The following NDUFAF3 variants were observed in gnomAD, a reference collection of about 807,000 sequenced individuals.
NDUFAF3 encodes NADH:ubiquinone oxidoreductase complex assembly factor 3.
A neutral mutation model predicts 22.6 loss-of-function variants in NDUFAF3; 21 were observed. The observed-to-expected ratio is 0.93, with a 90% CI of 0.66 to 1.34. The LOEUF is 1.34. Ranked by LOEUF, NDUFAF3 falls within the 40% of genes most tolerant of loss-of-function variation. NDUFAF3 has a pLI of 0.00. For synonymous variants in NDUFAF3, 113 were observed against 104.9 expected (o/e 1.08, Z -0.47); for missense variants, 251 against 248.4 (o/e 1.01, Z -0.07).
At position 49,022,585 on chromosome 3, in the gene NDUFAF3, C is replaced by T. The variant is rs1275484151; in HGVS notation, c.270+47C>T. On this transcript the variant is annotated intron_variant, in intron 2 of 4. Transcript: ENST00000326925. The surrounding 1 kb of genome is among the most constrained non-coding windows in gnomAD (Gnocchi z 6.6). The stretch of plus-strand genomic sequence containing the variant: ...GGAAACTGAGGCCCAGAGTCACAGG[C>T]CCTCACCCTGCTTGGTCCCTGCAAA... The T allele has an allele frequency of 1.2e-6, 2 of 1,612,774 alleles. No homozygotes were observed. Among genetic ancestry groups the T allele is most frequent in the Non-Finnish European group, 1.7e-6 (2 of 1,179,306 alleles).
In NDUFAF3 at chr3:49,022,789, G is replaced by A. The variant is rs756232871; in HGVS notation, c.337+21G>A. The A allele has an allele frequency of 2.4e-5, 38 of 1,613,692 alleles. No individual in the cohort carries two copies. The highest frequency in any genetic ancestry group is 3.1e-5 in the Non-Finnish European group (37 of 1,179,974). ...GATAGGTACTGGGGAAGGGGAGGGA[G>A]AACAGAGGTGTTCTGGGCCCCAGAA... On this transcript the variant is annotated intron_variant, in intron 3 of 4. Transcript: ENST00000326925. This position sits in a 1 kb window ranked among gnomAD's most constrained non-coding sequence, Gnocchi z 6.6.
At chr3:49,022,052 G>A, upstream of NDUFAF3, 1 of 1,364,138 alleles carries the variant, frequency 7.3e-7, no homozygotes, top group Non-Finnish European at 1.0e-6. This position sits in a 1 kb window ranked among gnomAD's most constrained non-coding sequence, Gnocchi z 6.6. Context: ...GGACGCAGGG[G>A]GCGCTGCAGC....
upstream of NDUFAF3, chr3:49,022,017 C>A: frequency 1.0e-6 from 1 of 965,644 alleles, no homozygotes; most frequent in Non-Finnish European, 1.6e-6. The surrounding 1 kb of genome is among the most constrained non-coding windows in gnomAD (Gnocchi z 6.6). Context: ...CCTGCTGGGC[C>A]GGTCGAGCTG....
At position 49,022,977 on chromosome 3, in the gene NDUFAF3, G is replaced by A; in HGVS notation, c.438+1G>A. ...CATTGCTGTGGAAGTGCAGGACACG[G>A]TGAGTCCCGGGACTGGGGCATGCTG... On this transcript the variant is annotated splice_donor_variant, in intron 4 of 4. Coordinates refer to ENST00000326925, the MANE Select transcript of NDUFAF3 (RefSeq NM_199069.2). LOFTEE classifies it high-confidence loss of function. The surrounding 1 kb of genome is among the most constrained non-coding windows in gnomAD (Gnocchi z 6.6). The A allele has an allele frequency of 6.2e-7, 1 of 1,614,078 alleles. No individual in the cohort carries two copies. The highest frequency in any genetic ancestry group is 1.1e-5 in the South Asian group (1 of 91,078).
upstream of NDUFAF3, chr3:49,020,748 C>A (rs765517699): frequency 2.2e-5 from 10 of 457,902 alleles, no homozygotes; most frequent in African/African-American, 4.0e-5. Flanking sequence ...CCAGGTCACT[C>A]GCCCTGGGGC....
chr3:49,023,093 A>G lies in NDUFAF3; in HGVS notation c.476A>G (p.Glu159Gly), dbSNP rs2093178695. 1.2e-6 allele frequency: 2 copies of G among 1,614,046 alleles called. No individual in the cohort carries two copies. The highest frequency in any genetic ancestry group is 8.5e-7 in the Non-Finnish European group (1 of 1,180,044). ...GCCACCTTCAACTTCCTGTGTCATGAAGGCCGAGTAACTGGAGCTGCTCTC... is the reference window on the plus strand; with the variant it reads ...GCCACCTTCAACTTCCTGTGTCATGGAGGCCGAGTAACTGGAGCTGCTCTC... ...ACATFNFLCH[E>G]GRVTGAALIP... The change falls in exon 5 of 5, where the codon GAA becomes GGA. Residue 159 changes from glutamate (E) to glycine (G), a missense_variant. Coordinates refer to ENST00000326925, the MANE Select transcript of NDUFAF3 (RefSeq NM_199069.2).
chr3:49,023,043 C>G lies in NDUFAF3; in HGVS notation c.439-13C>G, dbSNP rs754546343. 1.2e-6 allele frequency: 2 copies of G among 1,614,040 alleles called. No homozygotes were observed. The highest frequency in any genetic ancestry group is 8.5e-7 in the Non-Finnish European group (1 of 1,179,904). ...TGGCGCTAGACAGGCTGATGCTGGC[C>G]TTTTCTTTGCAGCCCAATGCCTGTG... On this transcript the variant is annotated splice_polypyrimidine_tract_variant and intron_variant, in intron 4 of 4. Coordinates refer to ENST00000326925, the MANE Select transcript of NDUFAF3 (RefSeq NM_199069.2).
At chr3:49,021,854 G>T (rs1239993589), upstream of NDUFAF3, 1 of 496,458 alleles carries the variant, frequency 2.0e-6, no homozygotes, top group Non-Finnish European at 3.6e-6. The surrounding 1 kb of genome is among the most constrained non-coding windows in gnomAD (Gnocchi z 4.1). Context: ...CGCGGCTGCG[G>T]CCCAGGCAAC....
upstream of NDUFAF3, chr3:49,021,820 T>C (rs1160502587): frequency 2.8e-5 from 12 of 426,736 alleles, no homozygotes; most frequent in Middle Eastern, 6.3e-4. The surrounding 1 kb of genome is among the most constrained non-coding windows in gnomAD (Gnocchi z 4.1). Context: ...CGCGGCTTAA[T>C]AGCTGAGAGC....
In NDUFAF3 at chr3:49,022,121, G is replaced by C. The variant is rs1450394791; in HGVS notation, c.-24G>C. The C allele has an allele frequency of 1.2e-6, 2 of 1,601,334 alleles. No homozygotes were observed. The highest frequency in any genetic ancestry group is 2.7e-5 in the African/African-American group (2 of 74,824). ...CCCGGGGACTAACGGCGCCGGTGAC[G>C]ACTTCGCCGCGCGTTGGTCAGCCAT... On this transcript the variant is annotated 5_prime_UTR_variant, in exon 1 of 5. Coordinates refer to ENST00000326925, the MANE Select transcript of NDUFAF3 (RefSeq NM_199069.2). The surrounding 1 kb of genome is among the most constrained non-coding windows in gnomAD (Gnocchi z 6.6).
upstream of NDUFAF3, chr3:49,021,848 G>T: frequency 2.1e-6 from 1 of 487,794 alleles, no homozygotes; most frequent in Admixed American, 3.9e-5. This position sits in a 1 kb window ranked among gnomAD's most constrained non-coding sequence, Gnocchi z 4.1. Flanking sequence ...CCAGGCCGCG[G>T]CTGCGGCCCA....
At chr3:49,022,025 C>T (rs2093162774), upstream of NDUFAF3, 1 of 1,060,188 alleles carries the variant, frequency 9.4e-7, no homozygotes, top group African/African-American at 1.6e-5. The surrounding 1 kb of genome is among the most constrained non-coding windows in gnomAD (Gnocchi z 6.6). Context: ...GCCGGTCGAG[C>T]TGTGCGGTGC....
upstream of NDUFAF3, chr3:49,022,078 T>A: frequency 6.6e-7 from 1 of 1,524,846 alleles, no homozygotes; most frequent in East Asian, 2.4e-5. This position sits in a 1 kb window ranked among gnomAD's most constrained non-coding sequence, Gnocchi z 6.6. Flanking sequence ...TGGGTCAGGC[T>A]CCGCAGGGCC....
upstream of NDUFAF3, chr3:49,020,692 T>C (rs1229195621): frequency 2.0e-6 from 1 of 490,060 alleles, no homozygotes; most frequent in East Asian, 6.2e-5. Context: ...TGGGATTCCG[T>C]TGCCCGCTGT....
Position 49,023,364 on chromosome 3 carries a change from G to C in NDUFAF3, c.*192G>C. 1 of 645,010 alleles carries C rather than the reference G, an allele frequency of 1.6e-6. No individual in the cohort carries two copies. The highest frequency in any genetic ancestry group is 2.8e-6 in the Non-Finnish European group (1 of 356,230). The allele number at this position is 645,010 out of a possible 1,614,324, so 40.0% of individuals were successfully genotyped here. A position where few individuals can be genotyped will look rare whatever the true frequency, so the allele number is the denominator to read the frequency against. On this transcript the variant is annotated 3_prime_UTR_variant, in exon 5 of 5. Transcript: ENST00000326925. The stretch of plus-strand genomic sequence containing the variant: ...TGGAGGGGAATGTGAAGAAACCAAG[G>C]AGTCACTTTTTCATCTAGATTACTT...
At position 49,023,249 on chromosome 3, in the gene NDUFAF3, T is replaced by G; in HGVS notation, c.*77T>G. 5 of 1,068,384 alleles carry G rather than the reference T, an allele frequency of 4.7e-6. No individual in the cohort carries two copies. The allele number at this position is 1,068,384 out of a possible 1,614,324, so 66.2% of individuals were successfully genotyped here. ...TCACTCTTATCTACCCTTTGGCACT[T>G]ATCTTGCTTATCAACATAATAATTT... is the stretch of plus-strand genomic sequence containing the variant. On this transcript the variant is annotated 3_prime_UTR_variant, in exon 5 of 5. Transcript: ENST00000326925.
rs1220869218 is a variant in NDUFAF3 at position 49,023,057 on chromosome 3, C to T, written c.440C>T (p.Pro147Leu). The T allele has an allele frequency of 6.2e-7, 1 of 1,614,004 alleles. No homozygotes were observed. The highest frequency in any genetic ancestry group is 8.5e-7 in the Non-Finnish European group (1 of 1,180,004). Residue 147 changes from proline to leucine, a missense_variant and splice_region_variant, in exon 5 of 5, where the codon CCC (proline) becomes CTC (leucine). Pro to Leu is a moderately conservative substitution (Grantham distance 98). Transcript: ENST00000326925. Reference protein sequence around the residue: ...RGIAVEVQDTPNACATFNFLC... With the variant: ...RGIAVEVQDTLNACATFNFLC... Reference sequence around the variant, plus strand: ...CTGATGCTGGCCTTTTCTTTGCAGCCCAATGCCTGTGCCACCTTCAACTTC... The same window carrying T: ...CTGATGCTGGCCTTTTCTTTGCAGCTCAATGCCTGTGCCACCTTCAACTTC...
At position 49,022,724 on chromosome 3, in the gene NDUFAF3, C is replaced by T; in HGVS notation, c.293C>T (p.Thr98Ile). The stretch of plus-strand genomic sequence containing the variant: ...CAGGTGGGATCCCACCAGGACATCA[C>T]CGAAGACAGCTTTTCCCTCTTCTGG... ...QWNVGSHQDI[T>I]EDSFSLFWLL... Residue 98 changes from threonine (T) to isoleucine (I), a missense_variant, in exon 3 of 5, where the codon ACC (threonine) becomes ATC (isoleucine). Thr to Ile is a moderately conservative substitution (Grantham distance 89). Coordinates refer to ENST00000326925, the MANE Select transcript of NDUFAF3 (RefSeq NM_199069.2). The surrounding 1 kb of genome is among the most constrained non-coding windows in gnomAD (Gnocchi z 6.6). 6.2e-7 allele frequency: 1 copy of T among 1,614,104 alleles called. No homozygotes were observed. Among genetic ancestry groups the T allele is most frequent in the Non-Finnish European group, 8.5e-7 (1 of 1,180,038 alleles).
rs1055153686 is a variant in NDUFAF3 at position 49,022,304 on chromosome 3, TGCCCG to T, written c.78-32_78-28del. ...CCCAGCACCTTCCGGCCTCTCGGGC[TGCCCG>T]GCCCGGCCCCGCGCCCCTGACCCTT... On this transcript the variant is annotated intron_variant, in intron 1 of 4. Transcript: ENST00000326925. The surrounding 1 kb of genome is among the most constrained non-coding windows in gnomAD (Gnocchi z 6.6). 2 of 1,606,674 alleles carry T rather than the reference TGCCCG, an allele frequency of 1.2e-6. No homozygotes were observed. Among genetic ancestry groups the T allele is most frequent in the South Asian group, 2.2e-5 (2 of 90,910 alleles).
Sources: gnomAD v4.1 joint callset for allele counts on GRCh38, gnomAD v4.1.1 for gene constraint, Gnocchi (gnomAD v3.1) non-coding constraint, MANE v1.5 for transcripts, NCBI Gene and HGNC (gene_info 2026-07-23, HGNC 2026-07-21) for gene names.